The following PRELID2 variants were observed in gnomAD, a reference collection of about 807,000 sequenced individuals.
PRELID2 encodes PRELI domain containing 2.
Under a neutral mutation model 28.4 loss-of-function variants are expected in PRELID2, and 25 were observed. The ratio of observed to expected loss-of-function variants is 0.88; its 90% CI spans 0.64 to 1.23. The LOEUF is 1.23. Among genes scored for constraint, PRELID2 ranks in the 50% most tolerant of loss-of-function variants. PRELID2 has a pLI of 0.00. For synonymous variants in PRELID2, 76 were observed against 71.6 expected, an observed-to-expected ratio of 1.06 and a Z score of -0.31; for missense variants, 201 against 214.4, an observed-to-expected ratio of 0.94 and a Z score of 0.39.
the PRELID2 span, among the ~76,000 whole-genome samples, chr5:145,327,236 T>C: frequency 2.2e-4 from 33 of 152,162 alleles, no homozygotes; most frequent in Admixed American, 2.2e-3. Context: ...CCCATTATTA[T>C]TGTATTGCTG....
intron 1 of PRELID2, among the ~76,000 whole-genome samples, chr5:145,690,332 G>A (rs1300704020): frequency 1.3e-5 from 2 of 152,136 alleles, no homozygotes; most frequent in Non-Finnish European, 2.9e-5. Flanking sequence ...TTAGGGTGAA[G>A]TTCCAATTCA....
At chr5:145,698,894 T>C (rs1440306019) in intron 1 of PRELID2, among the ~76,000 whole-genome samples, 2 of 152,158 alleles carry the variant, frequency 1.3e-5, no homozygotes, top group Non-Finnish European at 2.9e-5. Context: ...GCCCGGCTAA[T>C]TTTTTTAGTT....
the PRELID2 span, among the ~76,000 whole-genome samples, chr5:145,366,008 T>G: frequency 1.3e-5 from 2 of 151,944 alleles, no homozygotes; most frequent in Admixed American, 6.6e-5. Context: ...TAAATAGCAA[T>G]TTTCTATTTC....
the PRELID2 span, among the ~76,000 whole-genome samples, chr5:145,340,199 C>A: frequency 2.0e-5 from 3 of 152,190 alleles, no homozygotes. Flanking sequence ...AAGTCTACCA[C>A]CATTGGCACC....
chr5:145,671,844 G>A (rs545672735), intron 1 of PRELID2, among the ~76,000 whole-genome samples: 24 of 152,240 alleles, frequency 1.6e-4, no homozygotes, highest in African/African-American at 4.6e-4. Context: ...ACCAAGAAAC[G>A]CAAGTGTAAC....
At chr5:145,416,662 A>G in the PRELID2 span, among the ~76,000 whole-genome samples, 1 of 152,160 alleles carries the variant, frequency 6.6e-6, no homozygotes, top group South Asian at 2.1e-4. Flanking sequence ...TTAAGAGGAA[A>G]ATTTATAGCA....
chr5:145,507,516 A>G (rs1323038821), intron 1 of PRELID2, among the ~76,000 whole-genome samples: 1 of 152,156 alleles, frequency 6.6e-6, no homozygotes, highest in East Asian at 1.9e-4. Context: ...TGTGTTTTCC[A>G]GTTTTTCAAA....
At chr5:145,450,862 AG>A in the PRELID2 span, 45 of 152,288 alleles carry the variant, frequency 3.0e-4, 1 homozygote, top group African/African-American at 1.0e-3. Flanking sequence ...AAATTGCAAA[AG>A]TGGCAACAAC....
At chr5:145,807,624 A>G (rs1219785478) in intron 4 of PRELID2, among the ~76,000 whole-genome samples, 1 of 152,088 alleles carries the variant, frequency 6.6e-6, no homozygotes, top group African/African-American at 2.4e-5. Context: ...GATTCTCTCT[A>G]CATGGCATTT....
chr5:145,378,129 C>T, the PRELID2 span, among the ~76,000 whole-genome samples: 1 of 152,160 alleles, frequency 6.6e-6, no homozygotes, highest in Non-Finnish European at 1.5e-5. Flanking sequence ...TCTCTTCTGT[C>T]TTCCAGGGTT....
intron 5 of PRELID2, among the ~76,000 whole-genome samples, chr5:145,789,240 T>C (rs1752206964): frequency 6.6e-6 from 1 of 152,140 alleles, no homozygotes. Flanking sequence ...ACTCTCTCTT[T>C]TCAAAATACA....
At chr5:145,475,530 G>A (rs569318877) in intron 1 of PRELID2, among the ~76,000 whole-genome samples, 1 of 152,212 alleles carries the variant, frequency 6.6e-6, no homozygotes, top group Admixed American at 6.5e-5. Flanking sequence ...CTACATGAAT[G>A]CATTGTACCA....
intron 2 of PRELID2, among the ~76,000 whole-genome samples, chr5:145,821,802 T>C (rs1383368815): frequency 6.6e-6 from 1 of 152,184 alleles, no homozygotes; most frequent in Non-Finnish European, 1.5e-5. Context: ...AACATTTCAA[T>C]TTAGAATATG....
At chr5:145,791,130 A>G (rs772045491) in intron 5 of PRELID2, among the ~76,000 whole-genome samples, 1 of 152,096 alleles carries the variant, frequency 6.6e-6, no homozygotes, top group Non-Finnish European at 1.5e-5. Flanking sequence ...GAGGCCTCAC[A>G]ATCATGGCAG....
intron 1 of PRELID2, among the ~76,000 whole-genome samples, chr5:145,655,729 C>T (rs1284977438): frequency 6.6e-6 from 1 of 152,212 alleles, no homozygotes; most frequent in African/African-American, 2.4e-5. Context: ...CCCTTCCTCA[C>T]ACCTTATACA....
At chr5:145,826,711 A>G (rs933940021) in intron 1 of PRELID2, among the ~76,000 whole-genome samples, 2 of 152,156 alleles carry the variant, frequency 1.3e-5, no homozygotes, top group Non-Finnish European at 2.9e-5. Flanking sequence ...ACTCCATAAT[A>G]TTGGGGGGGA....
At chr5:145,495,263 G>T (rs930703221) in intron 1 of PRELID2, among the ~76,000 whole-genome samples, 62 of 152,290 alleles carry the variant, frequency 4.1e-4, no homozygotes, top group African/African-American at 1.4e-3. Flanking sequence ...CTTCCGGCAG[G>T]CTGGACATTG....
intron 1 of PRELID2, among the ~76,000 whole-genome samples, chr5:145,831,205 G>A (rs1755562908): frequency 6.6e-6 from 1 of 152,228 alleles, no homozygotes; most frequent in African/African-American, 2.4e-5. Context: ...GGTGGGGTAG[G>A]TGGCATTACC....
intron 1 of PRELID2, among the ~76,000 whole-genome samples, chr5:145,688,338 C>G (rs1436517066): frequency 6.6e-6 from 1 of 152,196 alleles, no homozygotes; most frequent in African/African-American, 2.4e-5. Context: ...TAGGGCGTGA[C>G]TTGCATCAGC....
Sources: gnomAD v4.1 joint callset for allele counts (sites outside exome capture counted in the v4.1 genomes callset) on GRCh38, gnomAD v4.1.1 for gene constraint, MANE v1.5 for transcripts, NCBI Gene and HGNC (gene_info 2026-07-23, HGNC 2026-07-21) for gene names.